Variants in LMTK2 observed in about 807,000 individuals in gnomAD.
LMTK2 encodes the protein serine/threonine-protein kinase LMTK2.
A neutral mutation model predicts 127.5 loss-of-function variants in LMTK2; 37 were observed. That is an observed-to-expected ratio of 0.29 (90% CI 0.22 to 0.38). LMTK2 has a LOEUF of 0.38. Among genes scored for constraint, LMTK2 ranks in the 10% least tolerant of loss-of-function variants. The probability of loss-of-function intolerance (pLI) is 1.00; values close to 1 mark genes in which losing one functional copy is unlikely to be tolerated. For missense variants in LMTK2, 1,694 were observed against 1,920.3 expected, an observed-to-expected ratio of 0.88 and a Z score of 2.20; for synonymous variants, 819 against 810.1, an observed-to-expected ratio of 1.01 and a Z score of -0.19.
chr7:98,118,814 C>T (rs1418831543), intron 1 of LMTK2, among the ~76,000 whole-genome samples: 9 of 152,112 alleles, frequency 5.9e-5, no homozygotes, highest in Non-Finnish European at 7.3e-5. Context: ...AGATTTTGGC[C>T]GGGCGCAGTG....
Position 98,193,043 on chromosome 7 carries a change from C to G in LMTK2, c.2578C>G (p.Pro860Ala). The change falls in exon 11 of 14, where the codon CCA becomes GCA. Residue 860 changes from proline to alanine, a missense_variant. Pro to Ala is a conservative substitution (Grantham distance 27). Transcript: ENST00000297293. This position sits in a 1 kb window ranked among gnomAD's most constrained non-coding sequence, Gnocchi z 4.1. Reference sequence around the variant, plus strand: ...GGACTGTCTCCACCAGGACATCAGTCCAGACGCTGTGACTGTCCCGGTTGA... The same window carrying G: ...GGACTGTCTCCACCAGGACATCAGTGCAGACGCTGTGACTGTCCCGGTTGA... The part of the protein sequence containing the change: ...PEDCLHQDIS[P>A]DAVTVPVEIL... The G allele has an allele frequency of 6.2e-7, 1 of 1,613,992 alleles. No individual in the cohort carries two copies. Among genetic ancestry groups the G allele is most frequent in the Non-Finnish European group, 8.5e-7 (1 of 1,180,014 alleles).
At chr7:98,133,148 C>T (rs750815758) in intron 1 of LMTK2, among the ~76,000 whole-genome samples, 2 of 152,180 alleles carry the variant, frequency 1.3e-5, no homozygotes, top group Admixed American at 6.5e-5. Flanking sequence ...GGAAAGCATA[C>T]GTATTCCGCC....
intron 6 of LMTK2, among the ~76,000 whole-genome samples, chr7:98,166,284 A>G (rs1449741204): frequency 6.6e-6 from 1 of 152,244 alleles, no homozygotes; most frequent in Non-Finnish European, 1.5e-5. Context: ...GTGCACCTGT[A>G]GCTGGAGCGC....
chr7:98,128,339 T>C (rs886799770), intron 1 of LMTK2, among the ~76,000 whole-genome samples: 3 of 152,226 alleles, frequency 2.0e-5, no homozygotes, highest in South Asian at 2.1e-4. Flanking sequence ...TGGGGAACTT[T>C]AGACACACAC....
intron 1 of LMTK2, among the ~76,000 whole-genome samples, chr7:98,107,655 C>T (rs1796133893): frequency 6.6e-6 from 1 of 152,170 alleles, no homozygotes; most frequent in South Asian, 2.1e-4. Flanking sequence ...TCATAAGAAC[C>T]GTTTCTTAGC....
rs767217496 is a variant in LMTK2, at chr7:98,209,546, T to C, written c.*4054T>C. 1 of 152,066 alleles carries C rather than the reference T, an allele frequency of 6.6e-6. No homozygotes were observed. Among genetic ancestry groups the C allele is most frequent in the African/African-American group, 2.4e-5 (1 of 41,286 alleles). 9.4% of individuals were successfully genotyped at this position (152,066 alleles called of 1,614,324 possible). ...TTTTTAAATTGTAAGATTTTTACTG[T>C]ATATTGATGCATAGTGTGATTCAAT... On this transcript the variant is annotated 3_prime_UTR_variant, in exon 14 of 14. Coordinates refer to ENST00000297293, the MANE Select transcript of LMTK2 (RefSeq NM_014916.4).
chr7:98,137,368 T>TGC lies in LMTK2; in HGVS notation c.158_159dup (p.Ser54AlafsTer3). 1 of 1,613,924 alleles carries TGC rather than the reference T, an allele frequency of 6.2e-7. No individual in the cohort carries two copies. The highest frequency in any genetic ancestry group is 8.5e-7 in the Non-Finnish European group (1 of 1,179,852). On this transcript the variant is annotated frameshift_variant, in exon 2 of 14. Transcript: ENST00000297293. LOFTEE classifies it high-confidence loss of function. The stretch of plus-strand genomic sequence containing the variant: ...CTCATCTTTTGTGATCCTGTGTGTG[T>TGC]GCAGTTTAATAATATTAATAGTGTT...
At chr7:98,118,737 GAAGT>G (rs1171345030) in intron 1 of LMTK2, among the ~76,000 whole-genome samples, 1 of 152,156 alleles carries the variant, frequency 6.6e-6, no homozygotes, top group African/African-American at 2.4e-5. Context: ...GCTTCAGGAA[GAAGT>G]AAGTGTGTTT....
chr7:98,166,255 CGCT>C (rs1797097651), intron 6 of LMTK2, among the ~76,000 whole-genome samples: 1 of 152,350 alleles, frequency 6.6e-6, no homozygotes, highest in African/African-American at 2.4e-5. Flanking sequence ...GACAGGTCAT[CGCT>C]GCTTATAACC....
intron 7 of LMTK2, among the ~76,000 whole-genome samples, chr7:98,181,959 T>A (rs1797362808): frequency 6.6e-6 from 1 of 152,128 alleles, no homozygotes; most frequent in Non-Finnish European, 1.5e-5. Context: ...ACCCAGCCGG[T>A]CAAATGATTT....
At chr7:98,130,291 G>T (rs1796503637) in intron 1 of LMTK2, among the ~76,000 whole-genome samples, 1 of 152,066 alleles carries the variant, frequency 6.6e-6, no homozygotes, top group Non-Finnish European at 1.5e-5. Context: ...GAGAAGCTGG[G>T]GGTACAAAAT....
intron 6 of LMTK2, among the ~76,000 whole-genome samples, chr7:98,164,019 A>T (rs1252468885): frequency 5.9e-5 from 9 of 152,228 alleles, no homozygotes. Flanking sequence ...AGTAGAAAGG[A>T]GAAAATATTT....
intron 7 of LMTK2, 96 bp from the exon 8 acceptor site, chr7:98,184,955 C>T (rs754569726): frequency 4.4e-5 from 37 of 847,052 alleles, no homozygotes; most frequent in East Asian, 2.0e-4. Flanking sequence ...TATACTTACT[C>T]GGATCCCGAG....
At chr7:98,205,341 C>T (rs1797773692) in intron 13 of LMTK2, 123 bp from the exon 14 acceptor site, 8 of 1,139,274 alleles carry the variant, frequency 7.0e-6, no homozygotes, top group African/African-American at 3.0e-5. Context: ...GCGGCTCAGG[C>T]GGTGCTGGGC....
rs779498510 is a variant in LMTK2 at position 98,194,122 on chromosome 7, C to T, written c.3657C>T (p.Asp1219=). Residue 1219 remains aspartate (D), a synonymous_variant, in exon 11 of 14, where the codon GAC becomes GAT. Transcript: ENST00000297293. The surrounding 1 kb of genome is among the most constrained non-coding windows in gnomAD (Gnocchi z 5.4). ...LSSGDDFETQ[D]DRPCTLASTG... is the part of the protein sequence containing the mutation. ...GCGGCGATGACTTCGAGACACAGGA[C>T]GATCGCCCCTGCACCCTCGCTTCCA... 24 of 1,613,960 alleles carry T rather than the reference C, an allele frequency of 1.5e-5. No individual in the cohort carries two copies. Among genetic ancestry groups the T allele is most frequent in the South Asian group, 9.9e-5 (9 of 91,084 alleles).
intron 6 of LMTK2, among the ~76,000 whole-genome samples, chr7:98,163,797 G>T (rs561488642): frequency 2.6e-5 from 4 of 152,206 alleles, no homozygotes; most frequent in Non-Finnish European, 2.9e-5. Context: ...GATCAGAGGG[G>T]CATAACCCAA....
chr7:98,177,720 T>A (rs934035996), intron 7 of LMTK2, among the ~76,000 whole-genome samples: 5 of 150,776 alleles, frequency 3.3e-5, no homozygotes, highest in African/African-American at 1.2e-4. Flanking sequence ...TTTCACACCC[T>A]GTGGAAGAAC....
rs1204723656 is a variant in LMTK2 at position 98,203,585 on chromosome 7, C to T, written c.4119C>T (p.Thr1373=). The T allele has an allele frequency of 1.3e-6, 2 of 1,587,286 alleles. No homozygotes were observed. The highest frequency in any genetic ancestry group is 1.7e-6 in the Non-Finnish European group (2 of 1,172,196). The change falls in exon 12 of 14, where the codon ACC becomes ACT. Residue 1373 remains threonine (T), a synonymous_variant. Transcript: ENST00000297293. The part of the protein sequence containing the change: ...TVYLFDQETP[T]KELGPCGGEA... Reference sequence around the variant, plus strand: ...GTTTGACTTTTCAGGAGACCCCAACCAAAGAGCTGGGGCCCTGTGGAGGAG... The same window carrying T: ...GTTTGACTTTTCAGGAGACCCCAACTAAAGAGCTGGGGCCCTGTGGAGGAG...
At chr7:98,137,622 A>T (rs928642839) in intron 2 of LMTK2, among the ~76,000 whole-genome samples, 180 bp downstream of exon 2, 7 of 152,214 alleles carry the variant, frequency 4.6e-5, no homozygotes, top group Non-Finnish European at 1.0e-4. Context: ...ACAGTCTCTA[A>T]AACAGCAGCT....
Sources: allele counts gnomAD v4.1 joint callset (sites outside exome capture counted in the v4.1 genomes callset), GRCh38; gene constraint gnomAD v4.1.1; non-coding constraint Gnocchi (gnomAD v3.1); transcripts MANE v1.5; gene names NCBI Gene and HGNC (gene_info 2026-07-23, HGNC 2026-07-21).